C13orf46: variants seen among roughly 807,000 people sequenced by gnomAD.
C13orf46 encodes uncharacterized protein C13orf46.
the C13orf46 span, among the ~76,000 whole-genome samples, chr13:113,944,223 G>A: frequency 6.6e-6 from 1 of 152,118 alleles, no homozygotes; most frequent in Non-Finnish European, 1.5e-5. Context: ...GACCCCTCCA[G>A]GTCACCTGGA....
chr13:113,935,518 T>G, the C13orf46 span, among the ~76,000 whole-genome samples: 8 of 152,384 alleles, frequency 5.2e-5, no homozygotes, highest in East Asian at 1.5e-3. Context: ...CTGGCTTTTG[T>G]GGGATTTCAA....
the C13orf46 span, among the ~76,000 whole-genome samples, chr13:113,937,493 A>T: frequency 6.6e-6 from 1 of 152,230 alleles, no homozygotes; most frequent in African/African-American, 2.4e-5. Flanking sequence ...TGCAGGTGAG[A>T]TGAACATCTC....
chr13:113,967,959 T>A (rs1411166705), intron 4 of C13orf46, among the ~76,000 whole-genome samples: 1 of 152,038 alleles, frequency 6.6e-6, no homozygotes, highest in Non-Finnish European at 1.5e-5. Context: ...TTGAGTCAAC[T>A]CCAAGGGCAG....
the C13orf46 span, among the ~76,000 whole-genome samples, chr13:113,939,413 G>A: frequency 4.8e-3 from 735 of 151,842 alleles, 6 homozygotes; most frequent in African/African-American, 0.016. Flanking sequence ...TGGGGAGGAC[G>A]CAGACCACCC....
chr13:113,952,931 G>T (rs2052495091), downstream of C13orf46, among the ~76,000 whole-genome samples: 1 of 152,216 alleles, frequency 6.6e-6, no homozygotes, highest in African/African-American at 2.4e-5. Context: ...CAACCACGTG[G>T]CAGGAGCTGC....
intron 6 of C13orf46, among the ~76,000 whole-genome samples, chr13:113,961,190 A>T (rs1385173300): frequency 6.6e-6 from 1 of 152,022 alleles, no homozygotes; most frequent in East Asian, 1.9e-4. Context: ...ATTTGGTAAA[A>T]CTCTATGGGT....
In C13orf46 at chr13:113,964,131, AAAG is replaced by A. The variant is rs1376791079; in HGVS notation, c.572+793_572+795del. ...CCCAAAGTGCTGGGATTACAGGCTG[AAAG>A]AAGGTTTAGTATCATGTGACTGTTT... On this transcript the variant is annotated intron_variant, in intron 6 of 6. Coordinates refer to ENST00000636427, the MANE Select transcript of C13orf46 (RefSeq NM_001365455.2). Among the ~76,000 whole-genome samples, 733 of 152,304 alleles carry A rather than the reference AAAG, an allele frequency of 4.8e-3. 4 individuals are homozygous for A. Among genetic ancestry groups the A allele is most frequent in the African/African-American group, 0.016 (684 of 41,566 alleles).
At chr13:113,948,130 A>G in the C13orf46 span, among the ~76,000 whole-genome samples, 15 of 152,204 alleles carry the variant, frequency 9.9e-5, no homozygotes, top group African/African-American at 3.6e-4. Flanking sequence ...GCACACATTT[A>G]TATCTGGCAA....
At chr13:113,938,155 C>T in the C13orf46 span, among the ~76,000 whole-genome samples, 3 of 152,108 alleles carry the variant, frequency 2.0e-5, no homozygotes, top group African/African-American at 4.8e-5. Context: ...GATGTGGTTG[C>T]GGCCTCAACT....
At chr13:113,972,032 C>T (rs567723961) in intron 1 of C13orf46, among the ~76,000 whole-genome samples, 1 of 152,252 alleles carries the variant, frequency 6.6e-6, no homozygotes, top group South Asian at 2.1e-4. Context: ...CACAGAAGCC[C>T]GGCCTCCCTG....
chr13:113,934,671 A>G, the C13orf46 span, among the ~76,000 whole-genome samples: 4 of 152,248 alleles, frequency 2.6e-5, no homozygotes, highest in Non-Finnish European at 4.4e-5. Flanking sequence ...CCTGCCTTTC[A>G]GTGGTGATCC....
Position 113,955,685 on chromosome 13 carries a change from G to A in C13orf46, c.*1088C>T, listed in dbSNP as rs1262562649. 6.5e-6 allele frequency: 1 copy of A among 154,918 alleles called. No individual in the cohort carries two copies. Among genetic ancestry groups the A allele is most frequent in the African/African-American group, 2.6e-5 (1 of 39,182 alleles). 9.6% of individuals were successfully genotyped at this position (154,918 alleles called of 1,614,324 possible). ...ACAAGGAGTAGTGTCTGGCAGAGAC[G>A]AGGAGTAGTGTCTGGCGGAGAGGAG... On this transcript the variant is annotated 3_prime_UTR_variant, in exon 7 of 7. Coordinates refer to ENST00000636427, the MANE Select transcript of C13orf46 (RefSeq NM_001365455.2).
chr13:113,930,817 C>T, the C13orf46 span, among the ~76,000 whole-genome samples: 1 of 152,216 alleles, frequency 6.6e-6, no homozygotes, highest in African/African-American at 2.4e-5. Context: ...AGCCCCGGTC[C>T]TCCAGGGGCC....
intron 5 of C13orf46, among the ~76,000 whole-genome samples, chr13:113,965,503 C>T (rs1017551023): frequency 6.6e-6 from 1 of 152,166 alleles, no homozygotes; most frequent in Non-Finnish European, 1.5e-5. Flanking sequence ...TTAAGTCAGC[C>T]TCTTCTTCTT....
At chr13:113,966,404 G>GTGA (rs1193183908) in intron 5 of C13orf46, among the ~76,000 whole-genome samples, 4 of 150,216 alleles carry the variant, frequency 2.7e-5, no homozygotes, top group East Asian at 2.0e-4. Flanking sequence ...ATTAATGATG[G>GTGA]TGATGATGAT....
At chr13:113,934,016 G>A in the C13orf46 span, among the ~76,000 whole-genome samples, 1 of 152,142 alleles carries the variant, frequency 6.6e-6, no homozygotes, top group Admixed American at 6.5e-5. Flanking sequence ...AACCACATTC[G>A]AGATGCATGA....
chr13:113,961,059 G>A (rs2052582780), intron 6 of C13orf46, among the ~76,000 whole-genome samples: 2 of 152,180 alleles, frequency 1.3e-5, no homozygotes, highest in African/African-American at 4.8e-5. Flanking sequence ...GGTTAAATGA[G>A]TGACTATTAT....
chr13:113,944,275 C>G, the C13orf46 span, among the ~76,000 whole-genome samples: 1 of 152,138 alleles, frequency 6.6e-6, no homozygotes, highest in Non-Finnish European at 1.5e-5. Context: ...TGTCCAGGGT[C>G]ACCTCACTGC....
At chr13:113,970,785 T>C (rs374564943) in intron 1 of C13orf46, among the ~76,000 whole-genome samples, 3 of 152,156 alleles carry the variant, frequency 2.0e-5, no homozygotes, top group African/African-American at 7.2e-5. Flanking sequence ...GACCACTTTA[T>C]GTCTCGTGAG....
Sources: allele counts gnomAD v4.1 joint callset (sites outside exome capture counted in the v4.1 genomes callset), GRCh38; gene constraint gnomAD v4.1.1; transcripts MANE v1.5; gene names NCBI Gene and HGNC (gene_info 2026-07-23, HGNC 2026-07-21).